The following CHODL variants were observed in gnomAD, a reference collection of about 807,000 sequenced individuals.
CHODL encodes chondrolectin, also known as transmembrane protein MT75.
A neutral mutation model predicts 34.5 loss-of-function variants in CHODL; 29 were observed. That is an observed-to-expected ratio of 0.84 (90% CI 0.63 to 1.15). The LOEUF is 1.15. Among genes scored for constraint, CHODL ranks in the 50% most tolerant of loss-of-function variants. The pLI, the probability that CHODL is intolerant of heterozygous loss-of-function variation, is 0.00. For synonymous variants in CHODL, 125 were observed against 116.1 expected, an observed-to-expected ratio of 1.08 and a Z score of -0.49; for missense variants, 332 against 332.5, an observed-to-expected ratio of 1.00 and a Z score of 0.01.
intron 2 of CHODL, among the ~76,000 whole-genome samples, chr21:18,063,556 A>G (rs2064694756): frequency 6.6e-6 from 1 of 152,234 alleles, no homozygotes; most frequent in South Asian, 2.1e-4. Context: ...AAACCCACCC[A>G]GGCTCATACT....
intron 2 of CHODL, among the ~76,000 whole-genome samples, chr21:18,234,088 C>T (rs2074006831): frequency 1.3e-5 from 2 of 152,064 alleles, no homozygotes; most frequent in Non-Finnish European, 2.9e-5. Flanking sequence ...AATATAAGTG[C>T]AATAAAACAA....
At chr21:17,951,692 C>A (rs182467148) in intron 1 of CHODL, among the ~76,000 whole-genome samples, 25 of 152,164 alleles carry the variant, frequency 1.6e-4, no homozygotes, top group African/African-American at 5.8e-4. Context: ...GTAAAATATA[C>A]TTAAAATTAA....
At position 17,917,769 on chromosome 21, in the gene CHODL, A is replaced by G. The variant is rs141304106; in HGVS notation, c.-145+369A>G. On this transcript the variant is annotated intron_variant, in intron 1 of 6. Coordinates refer to the CHODL transcript ENST00000400127. ...ATCTGCTGGGACACAGAGAAGAGTA[A>G]AGAGTAGATCTACAGGAGGTAAATG... is the stretch of plus-strand genomic sequence containing the variant. Among the ~76,000 whole-genome samples the G allele has an allele frequency of 7.9e-3, 1,204 of 152,252 alleles. 20 individuals carry two copies. The highest frequency in any genetic ancestry group is 0.027 in the African/African-American group (1,116 of 41,554).
Position 18,224,197 on chromosome 21 carries a change from T to A in CHODL, c.-44-32312T>A, listed in dbSNP as rs75872670. Among the ~76,000 whole-genome samples the A allele has an allele frequency of 3.1e-4, 47 of 152,282 alleles. No homozygotes were observed. In the East Asian group the frequency reaches 6.6e-3, roughly 21 times the overall value. Reference sequence around the variant, plus strand: ...GAGGTCTCTCATATATTCCACCACTTTTTGTAAGGCTGATTCTTGGAATTT... The same window carrying A: ...GAGGTCTCTCATATATTCCACCACTATTTGTAAGGCTGATTCTTGGAATTT... On this transcript the variant is annotated intron_variant, in intron 2 of 6. Transcript: ENST00000400127.
chr21:18,099,220 A>C lies in CHODL; in HGVS notation c.-45+71249A>C, dbSNP rs143251364. 3.4e-3 allele frequency among the ~76,000 whole-genome samples: 516 copies of C among 152,120 alleles called. 3 individuals are homozygous for C. Among genetic ancestry groups the C allele is most frequent in the African/African-American group, 0.012 (507 of 41,524 alleles). On this transcript the variant is annotated intron_variant, in intron 2 of 6. Transcript: ENST00000400127. Reference sequence around the variant, plus strand: ...AATAATAATTTAATTGTACATTTTAAAATAACTAAGAGTATAATTGGATTG... The same window carrying C: ...AATAATAATTTAATTGTACATTTTACAATAACTAAGAGTATAATTGGATTG...
intron 2 of CHODL, among the ~76,000 whole-genome samples, chr21:18,187,687 C>A (rs1401843789): frequency 1.3e-5 from 2 of 152,100 alleles, no homozygotes; most frequent in African/African-American, 2.4e-5. Context: ...CTTTCTATTA[C>A]CTGAGATGAA....
At chr21:18,086,533 G>A (rs1398602862) in intron 2 of CHODL, among the ~76,000 whole-genome samples, 1 of 152,036 alleles carries the variant, frequency 6.6e-6, no homozygotes, top group Admixed American at 6.5e-5. Flanking sequence ...ATATGTTGTT[G>A]ATTCAGTAGT....
At chr21:18,111,000 G>A (rs1162932814) in intron 2 of CHODL, among the ~76,000 whole-genome samples, 2 of 152,126 alleles carry the variant, frequency 1.3e-5, no homozygotes, top group African/African-American at 4.8e-5. Context: ...AGAAAGTGCT[G>A]TATCTTATGT....
intron 1 of CHODL, among the ~76,000 whole-genome samples, chr21:18,250,453 A>G (rs1200153721): frequency 4.0e-5 from 6 of 151,868 alleles, no homozygotes; most frequent in Non-Finnish European, 8.8e-5. Context: ...AAAATTATAA[A>G]TAAAATTATA....
intron 1 of CHODL, among the ~76,000 whole-genome samples, chr21:17,926,821 T>C (rs2063227030): frequency 6.6e-6 from 1 of 152,142 alleles, no homozygotes; most frequent in African/African-American, 2.4e-5. Flanking sequence ...GAATCAGGAT[T>C]AAGACTTTCT....
intron 2 of CHODL, among the ~76,000 whole-genome samples, chr21:18,161,729 C>T (rs1715003513): frequency 6.6e-6 from 1 of 151,940 alleles, no homozygotes; most frequent in South Asian, 2.1e-4. Flanking sequence ...TCTTCTAATC[C>T]TCCCTACACC....
chr21:18,170,504 T>G (rs1237609455), intron 2 of CHODL, among the ~76,000 whole-genome samples: 1 of 152,154 alleles, frequency 6.6e-6, no homozygotes, highest in Admixed American at 6.5e-5. Context: ...CTGGCTTATT[T>G]GGGGTTAAAC....
rs185782577 is a variant in CHODL, at chr21:18,060,322, G to A, written c.-45+32351G>A. Among the ~76,000 whole-genome samples the A allele has an allele frequency of 1.6e-4, 24 of 152,118 alleles. No individual in the cohort carries two copies. The East Asian group carries it at 3.5e-3, about 22-fold the overall frequency. On this transcript the variant is annotated intron_variant, in intron 2 of 6. Coordinates refer to the CHODL transcript ENST00000400127. ...ATACAAAAATTGGCCTAGCATGGTG[G>A]TGCACGTCTGTGGTCCCAGCTACTT...
At chr21:18,115,287 C>G (rs928345396) in intron 2 of CHODL, among the ~76,000 whole-genome samples, 1 of 152,182 alleles carries the variant, frequency 6.6e-6, no homozygotes, top group African/African-American at 2.4e-5. Flanking sequence ...TCCTGTCTGA[C>G]TGATTCCAAA....
intron 1 of CHODL, among the ~76,000 whole-genome samples, chr21:17,997,788 A>G (rs1171919310): frequency 2.0e-5 from 3 of 152,100 alleles, no homozygotes; most frequent in Non-Finnish European, 2.9e-5. Context: ...CCATGATTCA[A>G]TTATCTCCCC....
intron 1 of CHODL, among the ~76,000 whole-genome samples, chr21:17,947,805 T>C (rs1488564019): frequency 6.6e-6 from 1 of 152,080 alleles, no homozygotes; most frequent in South Asian, 2.1e-4. Context: ...CTCCTAGATA[T>C]CTGTCCAAAG....
chr21:18,081,382 A>G (rs2146514301), intron 2 of CHODL, among the ~76,000 whole-genome samples: 1 of 152,192 alleles, frequency 6.6e-6, no homozygotes, highest in South Asian at 2.1e-4. Flanking sequence ...TATGTTGAAT[A>G]AGAGTGGTGA....
At position 18,256,528 on chromosome 21, in the gene CHODL, T is replaced by G; in HGVS notation, c.99T>G (p.Ala33=). The G allele has an allele frequency of 6.2e-7, 1 of 1,610,988 alleles. No individual in the cohort carries two copies. Among genetic ancestry groups the G allele is most frequent in the Non-Finnish European group, 8.5e-7 (1 of 1,178,080 alleles). The change falls in exon 2 of 6, where the codon GCT becomes GCG. Residue 33 remains alanine (A), a synonymous_variant. Coordinates refer to ENST00000299295, the MANE Select transcript of CHODL (RefSeq NM_024944.3). Reference sequence around the variant, plus strand: ...TTTCAGGCCAAAAGGTGTGTTTTGCTGACTTCAAGCATCCCTGCTACAAAA... The same window carrying G: ...TTTCAGGCCAAAAGGTGTGTTTTGCGGACTTCAAGCATCCCTGCTACAAAA... ...RVVSGQKVCF[A]DFKHPCYKMA... is the part of the protein sequence containing the mutation.
rs9979190 is a variant in CHODL, at chr21:18,114,377, A to G, written c.-45+86406A>G. 1.5e-3 allele frequency among the ~76,000 whole-genome samples: 225 copies of G among 152,334 alleles called. 2 individuals carry two copies. Among genetic ancestry groups the G allele is most frequent in the African/African-American group, 4.8e-3 (199 of 41,560 alleles). Reference sequence around the variant, plus strand: ...TGCTGATTTCATATTGCATATCTGTATCAAAATATCTCATGTACCCCAAAA... The same window carrying G: ...TGCTGATTTCATATTGCATATCTGTGTCAAAATATCTCATGTACCCCAAAA... On this transcript the variant is annotated intron_variant, in intron 2 of 6. Coordinates refer to the CHODL transcript ENST00000400127.
Sources: gnomAD v4.1 joint callset for allele counts (sites outside exome capture counted in the v4.1 genomes callset) on GRCh38, gnomAD v4.1.1 for gene constraint, MANE v1.5 for transcripts, NCBI Gene and HGNC (gene_info 2026-07-23, HGNC 2026-07-21) for gene names.